The following BCO1 variants were observed in gnomAD, a reference collection of about 807,000 sequenced individuals.
The protein encoded by BCO1 is beta,beta-carotene 15,15'-dioxygenase.
In BCO1, 54 loss-of-function variants were observed where a neutral mutation model predicts 56.3. That is an observed-to-expected ratio of 0.96 (90% confidence interval 0.77 to 1.20). The LOEUF (loss-of-function observed/expected upper bound fraction) is 1.20. Among genes scored for constraint, BCO1 ranks in the 50% most tolerant of loss-of-function variants. BCO1 has a pLI of 0.00. For missense variants in BCO1, 801 were observed against 690.9 expected (o/e 1.16, Z -1.79); for synonymous variants, 318 against 266.1 (o/e 1.20, Z -1.90).
chr16:81,288,696 A>C (rs545613308), intron 10 of BCO1, among the ~76,000 whole-genome samples: 2 of 152,272 alleles, frequency 1.3e-5, no homozygotes, highest in African/African-American at 4.8e-5. Context: ...TCCCTCTTCC[A>C]TTCTCAGAAA....
At chr16:81,264,932 C>A in intron 5 of BCO1, 145 bp downstream of exon 5, 1 of 884,724 alleles carries the variant, frequency 1.1e-6, no homozygotes, top group Non-Finnish European at 1.8e-6. Context: ...TCAGTACTTT[C>A]CTTTAGAAGA....
intron 5 of BCO1, among the ~76,000 whole-genome samples, chr16:81,266,841 C>T (rs958080744): frequency 2.0e-5 from 3 of 152,168 alleles, no homozygotes; most frequent in Admixed American, 1.3e-4. Context: ...CAGTGCTTTT[C>T]GTTTCAGTTT....
chr16:81,285,950 C>G (rs1908155650), intron 9 of BCO1, among the ~76,000 whole-genome samples: 1 of 152,136 alleles, frequency 6.6e-6, no homozygotes, highest in South Asian at 2.1e-4. Flanking sequence ...TTCCCAATCC[C>G]TGACCTAAGG....
rs567059745 is a variant in BCO1, at chr16:81,249,503, G to A, written c.193+3900G>A. ...GATCTCCTGACCTCGTGATCTGACC[G>A]CCTCGGCCTCCCAAAATGCTGGGAT... On this transcript the variant is annotated intron_variant, in intron 2 of 10. Transcript: ENST00000258168. 5.3e-5 allele frequency among the ~76,000 whole-genome samples: 8 copies of A among 152,188 alleles called. No individual in the cohort carries two copies. The East Asian group carries it at 5.8e-4, about 11-fold the overall frequency.
At chr16:81,251,936 A>G (rs1905833168) in intron 2 of BCO1, among the ~76,000 whole-genome samples, 1 of 151,222 alleles carries the variant, frequency 6.6e-6, no homozygotes, top group Non-Finnish European at 1.5e-5. Context: ...ATCAAACTTG[A>G]CCTAGTTCTA....
chr16:81,284,819 G>C (rs142885734), intron 8 of BCO1, among the ~76,000 whole-genome samples: 334 of 146,220 alleles, frequency 2.3e-3, no homozygotes, highest in Middle Eastern at 7.0e-3. Context: ...GTTTTGTTTT[G>C]TTTTCTTTTC....
chr16:81,249,172 C>A (rs563066909), intron 2 of BCO1, among the ~76,000 whole-genome samples: 3 of 150,524 alleles, frequency 2.0e-5, no homozygotes, highest in African/African-American at 7.4e-5. Context: ...CTCACTGCAA[C>A]CTTCGCCTTC....
intron 5 of BCO1, among the ~76,000 whole-genome samples, chr16:81,265,420 A>G (rs1313561114): frequency 6.7e-6 from 1 of 149,614 alleles, no homozygotes; most frequent in African/African-American, 2.5e-5. Flanking sequence ...CCATCCACCC[A>G]TCCACCATCC....
In BCO1 at chr16:81,277,435, A is replaced by G. The variant is rs1907624079; in HGVS notation, c.1102-3422A>G. Among the ~76,000 whole-genome samples the G allele has an allele frequency of 2.6e-5, 4 of 152,226 alleles. No individual in the cohort carries two copies. In the South Asian group the frequency reaches 8.3e-4, roughly 31 times the overall value. On this transcript the variant is annotated intron_variant, in intron 7 of 10. Coordinates refer to ENST00000258168, the MANE Select transcript of BCO1 (RefSeq NM_017429.3). The stretch of plus-strand genomic sequence containing the variant: ...CTGGAATGTACGCCTGTCTGCCTGC[A>G]CGATGTGTGTGGCCCTGGACCAGCC...
At chr16:81,249,092 CTT>C (rs546566864) in intron 2 of BCO1, among the ~76,000 whole-genome samples, 19 of 133,418 alleles carry the variant, frequency 1.4e-4, no homozygotes, top group Admixed American at 2.3e-4. Flanking sequence ...CTCTTTCTTT[CTT>C]TTTTTTTTTT....
At chr16:81,243,617 C>G (rs1006096298) in intron 1 of BCO1, among the ~76,000 whole-genome samples, 1 of 152,096 alleles carries the variant, frequency 6.6e-6, no homozygotes, top group South Asian at 2.1e-4. Context: ...TACAGGCACC[C>G]GTCATCACAC....
chr16:81,266,942 G>A (rs151266922), intron 5 of BCO1, among the ~76,000 whole-genome samples: 1 of 152,320 alleles, frequency 6.6e-6, no homozygotes, highest in Admixed American at 6.5e-5. Context: ...AGGGTGCACA[G>A]GTGGCCACAA....
At chr16:81,239,701 T>G (rs2151922193) in intron 1 of BCO1, among the ~76,000 whole-genome samples, 1 of 152,354 alleles carries the variant, frequency 6.6e-6, no homozygotes. Flanking sequence ...GAGTCTGATG[T>G]GATTTTCTCT....
Position 81,244,508 on chromosome 16 carries a change from A to G in BCO1, c.65-967A>G, listed in dbSNP as rs544093969. Among the ~76,000 whole-genome samples the G allele has an allele frequency of 7.2e-5, 11 of 152,128 alleles. No individual in the cohort carries two copies. The South Asian group carries it at 1.0e-3, about 14-fold the overall frequency. ...GCACATGTCATTTCAGACCAACCAC[A>G]TTTCAAGTGCTGATAGCTACCATAT... On this transcript the variant is annotated intron_variant, in intron 1 of 10. Transcript: ENST00000258168.
intron 2 of BCO1, among the ~76,000 whole-genome samples, chr16:81,251,071 T>A (rs559109900): frequency 6.6e-5 from 10 of 152,300 alleles, no homozygotes; most frequent in African/African-American, 2.4e-4. Context: ...ATACTAATAA[T>A]CAGAAGAACC....
rs1270405772 is a variant in BCO1 at position 81,268,120 on chromosome 16, A to G, written c.832A>G (p.Arg278Gly). ...MSWASCLAFH[R>G]EEKTYIHIID... ...CTGGGCCTCCTGCCTGGCTTTCCAC[A>G]GGGAGGAGAAGGTGAGGTCTGGCTG... Residue 278 changes from arginine (R) to glycine (G), a missense_variant, in exon 6 of 11, where the codon AGG becomes GGG. By Grantham distance (125) the Arg-to-Gly change is moderately radical. Transcript: ENST00000258168. 6.2e-7 allele frequency: 1 copy of G among 1,608,442 alleles called. No individual in the cohort carries two copies. Among genetic ancestry groups the G allele is most frequent in the South Asian group, 1.1e-5 (1 of 91,086 alleles).
At chr16:81,242,877 G>T (rs184795570) in intron 1 of BCO1, among the ~76,000 whole-genome samples, 1 of 152,076 alleles carries the variant, frequency 6.6e-6, no homozygotes. Context: ...TACTGTGAGC[G>T]TGAACCCTGT....
At chr16:81,281,988 G>T in intron 8 of BCO1, among the ~76,000 whole-genome samples, 1 of 152,246 alleles carries the variant, frequency 6.6e-6, no homozygotes, top group African/African-American at 2.4e-5. Context: ...TGACACAAAG[G>T]CTGGCATAGA....
intron 2 of BCO1, among the ~76,000 whole-genome samples, chr16:81,257,511 C>T (rs1906215912): frequency 6.6e-6 from 1 of 151,770 alleles, no homozygotes; most frequent in Non-Finnish European, 1.5e-5. Context: ...GTGATCCACC[C>T]ACTTTGGCCT....
Sources: allele counts gnomAD v4.1 joint callset (sites outside exome capture counted in the v4.1 genomes callset), GRCh38; gene constraint gnomAD v4.1.1; transcripts MANE v1.5; gene names NCBI Gene and HGNC (gene_info 2026-07-23, HGNC 2026-07-21).